FZD3: variants seen among roughly 807,000 people sequenced by gnomAD.
FZD3 encodes the protein frizzled-3.
FZD3 carries 30 observed loss-of-function variants against 60.7 expected under a neutral mutation model. That is an observed-to-expected ratio of 0.49 (90% CI 0.37 to 0.67). The LOEUF is 0.67. Among genes scored for constraint, FZD3 ranks in the 30% least tolerant of loss-of-function variants. The probability of loss-of-function intolerance (pLI) is 0.00; values close to 1 mark genes in which losing one functional copy is unlikely to be tolerated. For synonymous variants in FZD3, 246 were observed against 275.2 expected, an observed-to-expected ratio of 0.89 and a Z score of 1.05; for missense variants, 605 against 838.7, an observed-to-expected ratio of 0.72 and a Z score of 3.44.
At chr8:28,549,102 C>T (rs1295480983) in intron 5 of FZD3, among the ~76,000 whole-genome samples, 1 of 152,190 alleles carries the variant, frequency 6.6e-6, no homozygotes, top group Admixed American at 6.5e-5. Flanking sequence ...CTCTCCTTGG[C>T]TTGTAGATGG....
At position 28,527,585 on chromosome 8, in the gene FZD3, C is replaced by T; in HGVS notation, c.825C>T (p.Ser275=). The T allele has an allele frequency of 2.5e-6, 4 of 1,613,818 alleles. No homozygotes were observed. The highest frequency in any genetic ancestry group is 3.4e-6 in the Non-Finnish European group (4 of 1,179,778). ...NASIPAQYKA[S]TVTQGSHNKA... is the part of the protein sequence containing the mutation. ...CCATCCCTGCACAATATAAGGCTTC[C>T]ACAGTGACACAAGGATCTCATAATA... is the stretch of plus-strand genomic sequence containing the variant. The change falls in exon 5 of 8, where the codon TCC becomes TCT. Residue 275 remains serine, a synonymous_variant. Coordinates refer to ENST00000240093, the MANE Select transcript of FZD3 (RefSeq NM_017412.4). This position sits in a 1 kb window ranked among gnomAD's most constrained non-coding sequence, Gnocchi z 5.0.
In FZD3 at chr8:28,570,507, C is replaced by T. The variant is rs902548368; in HGVS notation, c.*7496C>T. 1.3e-5 allele frequency: 2 copies of T among 152,354 alleles called. No individual in the cohort carries two copies. The highest frequency in any genetic ancestry group is 2.9e-5 in the Non-Finnish European group (2 of 68,192). The allele number at this position is 152,354 out of a possible 1,614,324, so 9.4% of individuals were successfully genotyped here. On this transcript the variant is annotated 3_prime_UTR_variant, in exon 8 of 8. Transcript: ENST00000240093. ...GGGCATGGTGGCGGGCACCTGTAGT[C>T]CCAGCCACTCGGGAGGCTGAGGCAG...
At position 28,494,322 on chromosome 8, in the gene FZD3, G is replaced by A. The variant is rs950858999; in HGVS notation, c.-412G>A. The A allele has an allele frequency of 4.1e-4, 61 of 150,492 alleles. No individual in the cohort carries two copies. Among genetic ancestry groups the A allele is most frequent in the African/African-American group, 1.5e-3 (60 of 40,530 alleles). 9.3% of individuals were successfully genotyped at this position (150,492 alleles called of 1,614,324 possible). On this transcript the variant is annotated 5_prime_UTR_variant, in exon 1 of 8. Coordinates refer to ENST00000240093, the MANE Select transcript of FZD3 (RefSeq NM_017412.4). ...GGCGGTGCAGCCCCCCCACCCCTTG[G>A]AGCCAGGCGCCGGGGTCTGAGGTGA...
chr8:28,540,356 AG>A (rs1488718738), intron 5 of FZD3, among the ~76,000 whole-genome samples: 3 of 151,844 alleles, frequency 2.0e-5, no homozygotes, highest in African/African-American at 7.3e-5. Context: ...CAGCCTTCCG[AG>A]TAGCTGGGAT....
chr8:28,524,351 AT>A (rs1273964125), intron 4 of FZD3, among the ~76,000 whole-genome samples: 1 of 152,172 alleles, frequency 6.6e-6, no homozygotes, highest in Non-Finnish European at 1.5e-5. Context: ...TTATAAATTG[AT>A]TATGCTATGT....
chr8:28,516,232 A>G (rs915182328), intron 3 of FZD3, among the ~76,000 whole-genome samples: 5 of 152,128 alleles, frequency 3.3e-5, no homozygotes, highest in East Asian at 1.9e-4. Flanking sequence ...TTAATTCTGG[A>G]CTCGTAATTC....
chr8:28,508,466 G>A lies in FZD3; in HGVS notation c.189+5264G>A, dbSNP rs192983512. On this transcript the variant is annotated intron_variant, in intron 3 of 7. Transcript: ENST00000240093. ...TTTTTTAAGGGAAAGTCCATCATGAGTTTATACTGATACTTGCGATTCAAG... is the reference window on the plus strand; with the variant it reads ...TTTTTTAAGGGAAAGTCCATCATGAATTTATACTGATACTTGCGATTCAAG... 1.7e-4 allele frequency among the ~76,000 whole-genome samples: 24 copies of A among 141,428 alleles called. No homozygotes were observed. In the East Asian group the frequency reaches 4.2e-3, roughly 25 times the overall value. 92.8% of individuals were successfully genotyped at this position (141,428 alleles called of 152,430 possible).
chr8:28,501,381 A>T (rs1032509169), intron 2 of FZD3, among the ~76,000 whole-genome samples: 3 of 152,236 alleles, frequency 2.0e-5, no homozygotes, highest in Admixed American at 2.0e-4. Context: ...CACAGAGGAC[A>T]GTTTCTTTCC....
intron 7 of FZD3, among the ~76,000 whole-genome samples, chr8:28,560,645 C>A (rs1385843215): frequency 6.6e-6 from 1 of 152,020 alleles, no homozygotes; most frequent in Non-Finnish European, 1.5e-5. Context: ...AACTTTATAT[C>A]ATTACTAGAA....
chr8:28,516,011 T>TTCTTCTATG, intron 3 of FZD3, among the ~76,000 whole-genome samples: 1 of 152,240 alleles, frequency 6.6e-6, no homozygotes, highest in East Asian at 1.9e-4. Flanking sequence ...CCCCTGTGTT[T>TTCTTCTATG]TCTTCTATGA....
chr8:28,519,944 T>G (rs1028394080), intron 3 of FZD3, among the ~76,000 whole-genome samples: 24 of 152,160 alleles, frequency 1.6e-4, no homozygotes, highest in African/African-American at 5.8e-4. Context: ...GTGTGGTGGC[T>G]CACACCTGTA....
intron 3 of FZD3, among the ~76,000 whole-genome samples, chr8:28,514,936 T>C (rs1449123468): frequency 6.6e-6 from 1 of 152,196 alleles, no homozygotes; most frequent in Non-Finnish European, 1.5e-5. Flanking sequence ...AAGAGGAAAC[T>C]GAAGCGTAGA....
chr8:28,551,816 C>A, intron 6 of FZD3, 65 bp downstream of exon 6: 2 of 1,292,444 alleles, frequency 1.5e-6, no homozygotes, highest in Non-Finnish European at 1.1e-6. Context: ...TTTTGTGTTG[C>A]TTATGTTAAA....
At chr8:28,500,431 A>G (rs373447031) in intron 2 of FZD3, among the ~76,000 whole-genome samples, 6 of 152,334 alleles carry the variant, frequency 3.9e-5, no homozygotes, top group African/African-American at 1.4e-4. Flanking sequence ...TTTCTTCTTC[A>G]GGTTTTATGT....
chr8:28,499,255 G>A (rs907551247), intron 1 of FZD3, among the ~76,000 whole-genome samples: 2 of 152,100 alleles, frequency 1.3e-5, no homozygotes, highest in Non-Finnish European at 2.9e-5. Flanking sequence ...GACAAAATGA[G>A]AGATATATAC....
At chr8:28,530,540 C>G (rs1804843237) in intron 5 of FZD3, 1 of 152,076 alleles carries the variant, frequency 6.6e-6, no homozygotes, top group African/African-American at 2.4e-5. Context: ...AATGTTGGCT[C>G]TGTATTGTCT....
At chr8:28,548,372 C>T (rs1472506794) in intron 5 of FZD3, among the ~76,000 whole-genome samples, 2 of 152,006 alleles carry the variant, frequency 1.3e-5, no homozygotes, top group South Asian at 2.1e-4. Context: ...AGTGCAGTGG[C>T]GCGATGCAGC....
At chr8:28,556,431 T>G (rs893306) in intron 7 of FZD3, among the ~76,000 whole-genome samples, 88,977 of 151,998 alleles carry the variant, frequency 0.59, 26,239 homozygotes, top group East Asian at 0.65. Flanking sequence ...GAAAATAGTA[T>G]TAATATCTGC....
chr8:28,532,231 G>A (rs1804895446), intron 5 of FZD3, among the ~76,000 whole-genome samples: 1 of 151,850 alleles, frequency 6.6e-6, no homozygotes, highest in African/African-American at 2.4e-5. Context: ...AGCTATTCTT[G>A]GTACTTTGCT....
Sources: allele counts gnomAD v4.1 joint callset (sites outside exome capture counted in the v4.1 genomes callset), GRCh38; gene constraint gnomAD v4.1.1; non-coding constraint Gnocchi (gnomAD v3.1); transcripts MANE v1.5; gene names NCBI Gene and HGNC (gene_info 2026-07-23, HGNC 2026-07-21).